The following AUTS2 variants were observed in gnomAD, a reference collection of about 807,000 sequenced individuals.
AUTS2 encodes autism susceptibility gene 2 protein.
A neutral mutation model predicts 112.4 loss-of-function variants in AUTS2; 17 were observed. The ratio of observed to expected loss-of-function variants is 0.15; its 90% confidence interval spans 0.10 to 0.23. The LOEUF (loss-of-function observed/expected upper bound fraction) is 0.23. Ranked by LOEUF, AUTS2 falls within the 10% of genes least tolerant of loss-of-function variation. AUTS2 has a pLI of 1.00. For missense variants in AUTS2, 1,510 were observed against 1,701.6 expected (o/e 0.89, Z 1.98); for synonymous variants, 751 against 702.7 (o/e 1.07, Z -1.09).
chr7:70,434,605 G>A (rs1159941025), intron 4 of AUTS2, among the ~76,000 whole-genome samples: 1 of 152,126 alleles, frequency 6.6e-6, no homozygotes, highest in Non-Finnish European at 1.5e-5. Flanking sequence ...GTTAGACAGT[G>A]GAATGGCTGC....
At chr7:70,175,740 T>G (rs1808953404) in intron 4 of AUTS2, among the ~76,000 whole-genome samples, 1 of 152,206 alleles carries the variant, frequency 6.6e-6, no homozygotes, top group South Asian at 2.1e-4. Flanking sequence ...GTTAGCATAT[T>G]TTTAGCAATA....
chr7:70,704,546 A>G (rs1809636342), intron 6 of AUTS2, among the ~76,000 whole-genome samples: 1 of 152,252 alleles, frequency 6.6e-6, no homozygotes, highest in South Asian at 2.1e-4. Flanking sequence ...CCTCTCTTCA[A>G]TCCATTCATA....
chr7:70,323,711 C>A (rs934031821), intron 4 of AUTS2, among the ~76,000 whole-genome samples: 1 of 152,134 alleles, frequency 6.6e-6, no homozygotes, highest in African/African-American at 2.4e-5. Context: ...AATGTGAATT[C>A]TGTGTGCCAT....
Position 69,956,589 on chromosome 7 carries a change from G to A in AUTS2, c.522+57091G>A, listed in dbSNP as rs572809060. Reference sequence around the variant, plus strand: ...TAATCCATGGGAGCACGAAAAAAACGGTTGAAATTATATTTTGATTTATTT... The same window carrying A: ...TAATCCATGGGAGCACGAAAAAAACAGTTGAAATTATATTTTGATTTATTT... On this transcript the variant is annotated intron_variant, in intron 2 of 18. Transcript: ENST00000342771. Among the ~76,000 whole-genome samples the A allele has an allele frequency of 3.1e-4, 47 of 152,192 alleles. No individual in the cohort carries two copies. In the South Asian group the frequency reaches 9.3e-3, roughly 30 times the overall value.
intron 1 of AUTS2, among the ~76,000 whole-genome samples, chr7:69,709,238 A>AC (rs1798202197): frequency 6.6e-6 from 1 of 152,166 alleles, no homozygotes. Context: ...TCTTTGCGAA[A>AC]CCAGGCTCAG....
chr7:70,723,357 T>C (rs1463146097), intron 6 of AUTS2, among the ~76,000 whole-genome samples: 1 of 152,146 alleles, frequency 6.6e-6, no homozygotes, highest in Non-Finnish European at 1.5e-5. Flanking sequence ...ATTCACCCTC[T>C]CAACCCAAGA....
intron 5 of AUTS2, among the ~76,000 whole-genome samples, chr7:70,683,647 C>T (rs1808316687): frequency 6.6e-6 from 1 of 152,230 alleles, no homozygotes; most frequent in Non-Finnish European, 1.5e-5. Flanking sequence ...GAAGAAATTT[C>T]TGGTGTAATT....
intron 1 of AUTS2, among the ~76,000 whole-genome samples, chr7:69,844,461 G>C (rs1584329071): frequency 2.6e-5 from 4 of 152,238 alleles, no homozygotes; most frequent in East Asian, 1.9e-4. Flanking sequence ...GGGTGCAGCA[G>C]ATAAAACTGT....
intron 1 of AUTS2, among the ~76,000 whole-genome samples, chr7:69,806,818 T>G (rs552761384): frequency 3.3e-5 from 5 of 152,364 alleles, no homozygotes; most frequent in African/African-American, 9.6e-5. Context: ...CATAGTCGTC[T>G]TCTTTCTTGT....
At chr7:70,229,155 G>A (rs1277659010) in intron 4 of AUTS2, among the ~76,000 whole-genome samples, 1 of 151,974 alleles carries the variant, frequency 6.6e-6, no homozygotes, top group African/African-American at 2.4e-5. Flanking sequence ...TACCTACATA[G>A]TTACCTTTAA....
intron 2 of AUTS2, among the ~76,000 whole-genome samples, chr7:70,028,097 T>G (rs1290297999): frequency 6.6e-6 from 1 of 150,664 alleles, no homozygotes; most frequent in Non-Finnish European, 1.5e-5. Flanking sequence ...TGCACACACG[T>G]GCATACTTTT....
intron 2 of AUTS2, among the ~76,000 whole-genome samples, chr7:69,915,939 G>A (rs897777962): frequency 2.0e-5 from 3 of 152,082 alleles, no homozygotes; most frequent in Non-Finnish European, 4.4e-5. Context: ...GGCTGGTCTC[G>A]AGCTCTTGAG....
At chr7:70,748,412 CCT>C (rs1788601275) in intron 6 of AUTS2, among the ~76,000 whole-genome samples, 1 of 152,126 alleles carries the variant, frequency 6.6e-6, no homozygotes, top group Non-Finnish European at 1.5e-5. Context: ...CAGAATGCTC[CCT>C]GTCACCCCCT....
chr7:70,391,929 G>A (rs1202497573), intron 4 of AUTS2, among the ~76,000 whole-genome samples: 4 of 151,994 alleles, frequency 2.6e-5, no homozygotes, highest in Non-Finnish European at 5.9e-5. Flanking sequence ...AGCCACCCCT[G>A]CTGCTTCCCT....
rs1371338175 is a variant in AUTS2 at position 70,056,859 on chromosome 7, G to C, written c.523-61273G>C. Among the ~76,000 whole-genome samples, 3 of 152,124 alleles carry C rather than the reference G, an allele frequency of 2.0e-5. No individual in the cohort carries two copies. In the East Asian group the frequency reaches 5.8e-4, roughly 29 times the overall value. ...AAGATATTTGATTTTGATGCATTTG[G>C]GAATAGGGTGCTCTTGCTGAGAATA... On this transcript the variant is annotated intron_variant, in intron 2 of 18. Coordinates refer to ENST00000342771, the MANE Select transcript of AUTS2 (RefSeq NM_015570.4).
intron 5 of AUTS2, among the ~76,000 whole-genome samples, chr7:70,498,898 T>C (rs1798663458): frequency 6.6e-6 from 1 of 152,192 alleles, no homozygotes; most frequent in Admixed American, 6.5e-5. Context: ...CTGTCAGGAC[T>C]GAGCACAAGA....
chr7:70,586,542 C>T (rs560122568), intron 5 of AUTS2, among the ~76,000 whole-genome samples: 2 of 152,226 alleles, frequency 1.3e-5, no homozygotes, highest in South Asian at 2.1e-4. Flanking sequence ...GGAAATGATG[C>T]GATTGGGAGC....
chr7:70,632,075 G>A (rs1237583521), intron 5 of AUTS2, among the ~76,000 whole-genome samples: 5 of 151,910 alleles, frequency 3.3e-5, no homozygotes, highest in Non-Finnish European at 7.4e-5. Flanking sequence ...CAGGTCAGAG[G>A]GGGCTGGATT....
chr7:70,701,328 C>T (rs114350668), intron 6 of AUTS2, among the ~76,000 whole-genome samples: 7 of 152,176 alleles, frequency 4.6e-5, no homozygotes, highest in Non-Finnish European at 8.8e-5. Flanking sequence ...GGCCGTGGCT[C>T]GAGGCCCATC....
Sources: allele counts gnomAD v4.1 joint callset (sites outside exome capture counted in the v4.1 genomes callset), GRCh38; gene constraint gnomAD v4.1.1; transcripts MANE v1.5; gene names NCBI Gene and HGNC (gene_info 2026-07-23, HGNC 2026-07-21).